Variants in GBP4 observed in about 807,000 individuals in gnomAD.
GBP4 encodes the protein guanylate-binding protein 4.
In GBP4, 69 loss-of-function variants were observed where a neutral mutation model predicts 62.2. The observed-to-expected ratio is 1.11, with a 90% confidence interval of 0.91 to 1.36. The LOEUF is 1.36. GBP4 is among the 40% of genes most tolerant of loss of function. The probability of loss-of-function intolerance (pLI) is 0.00; values close to 1 mark genes in which losing one functional copy is unlikely to be tolerated. For synonymous variants in GBP4, 278 were observed against 274.6 expected (o/e 1.01, Z -0.12); for missense variants, 697 against 759.3 (o/e 0.92, Z 0.96).
rs200202053 is a variant in GBP4, at chr1:89,188,609, A to G, written c.1383T>C (p.Tyr461=). The change falls in exon 8 of 11, where the codon TAT becomes TAC. Residue 461 remains tyrosine, a synonymous_variant. Coordinates refer to ENST00000355754, the MANE Select transcript of GBP4 (RefSeq NM_052941.5). The stretch of plus-strand genomic sequence containing the variant: ...TAACTCCTTTTCTGGGCACTAGCTT[A>G]TAGTCCCACTCAACCTGTTTCTTTT... ...LEEKKQVEWD[Y]KLVPRKGVKA... is the part of the protein sequence containing the mutation. 22 of 1,613,914 alleles carry G rather than the reference A, an allele frequency of 1.4e-5. No individual in the cohort carries two copies. Among genetic ancestry groups the G allele is most frequent in the Non-Finnish European group, 1.8e-5 (21 of 1,179,776 alleles).
At chr1:89,186,064 A>G (rs969494249) in intron 10 of GBP4, among the ~76,000 whole-genome samples, 1 of 152,234 alleles carries the variant, frequency 6.6e-6, no homozygotes, top group Non-Finnish European at 1.5e-5. Context: ...ATTGGGGCAC[A>G]GTGAGACCAT....
In GBP4 at chr1:89,191,251, A is replaced by G; in HGVS notation, c.916+10T>C. 6.2e-7 allele frequency: 1 copy of G among 1,609,144 alleles called. No individual in the cohort carries two copies. Among genetic ancestry groups the G allele is most frequent in the Non-Finnish European group, 8.5e-7 (1 of 1,175,760 alleles). On this transcript the variant is annotated intron_variant, in intron 6 of 10. Transcript: ENST00000355754. ...CAGACAGACATGCTTTGGGACAAAA[A>G]AAGACTCACGCTTTCCAGTGACAAT...
At position 89,191,447 on chromosome 1, in the gene GBP4, G is replaced by C. The variant is rs754754322; in HGVS notation, c.730C>G (p.Arg244Gly). 4.3e-6 allele frequency: 7 copies of C among 1,614,088 alleles called. No individual in the cohort carries two copies. The highest frequency in any genetic ancestry group is 5.9e-6 in the Non-Finnish European group (7 of 1,179,970). ...MPRECIRHFF[R>G]KRKCFVFDRP... ...TCAAAGACAAAGCACTTCCGTTTTC[G>C]GAAGAAATGCCTGATACACTCTCTA... The change falls in exon 6 of 11, where the codon CGA (arginine) becomes GGA (glycine). Residue 244 changes from arginine to glycine, a missense_variant. By Grantham distance (125) the Arg-to-Gly change is moderately radical. Around this residue, in one of 2 missense-constraint regions of GBP4, gnomAD observed 556 missense variants for 562.7 expected, o/e 0.99. Coordinates refer to ENST00000355754, the MANE Select transcript of GBP4 (RefSeq NM_052941.5).
chr1:89,192,903 C>T lies in GBP4; in HGVS notation c.670+1G>A. On this transcript the variant is annotated splice_donor_variant, in intron 5 of 10. Transcript: ENST00000355754. LOFTEE classifies it high-confidence loss of function. ...CCCACATCCAGGCCATGCTCTGATA[C>T]CTGGAATCAGCTTCAAGGCATTCTC... 1 of 1,613,270 alleles carries T rather than the reference C, an allele frequency of 6.2e-7. No homozygotes were observed. Among genetic ancestry groups the T allele is most frequent in the East Asian group, 2.2e-5 (1 of 44,880 alleles).
In GBP4 at chr1:89,186,987, C is replaced by G. The variant is rs1217643317; in HGVS notation, c.1513+13G>C. Reference sequence around the variant, plus strand: ...CTCCCAATCCCTCTGATAGCTGAGCCCTGCCCCTGTACCTGCTATGGCCTT... The same window carrying G: ...CTCCCAATCCCTCTGATAGCTGAGCGCTGCCCCTGTACCTGCTATGGCCTT... On this transcript the variant is annotated intron_variant, in intron 9 of 10. Transcript: ENST00000355754. 1 of 1,612,026 alleles carries G rather than the reference C, an allele frequency of 6.2e-7. No individual in the cohort carries two copies. The highest frequency in any genetic ancestry group is 1.3e-5 in the African/African-American group (1 of 74,830).
At chr1:89,191,109 A>G in intron 6 of GBP4, 152 bp downstream of exon 6, 1 of 937,366 alleles carries the variant, frequency 1.1e-6, no homozygotes, top group Non-Finnish European at 1.6e-6. Context: ...AACTTTAATT[A>G]AGAAACATTC....
intron 3 of GBP4, 84 bp from the exon 4 acceptor site, chr1:89,193,496 G>T (rs1648245318): frequency 1.6e-6 from 2 of 1,217,016 alleles, no homozygotes; most frequent in South Asian, 1.3e-5. Context: ...AGCTATTTCA[G>T]CTGTATGATA....
Position 89,188,619 on chromosome 1 carries a change from T to G in GBP4, c.1373A>C (p.Glu458Ala), listed in dbSNP as rs528190016. Reference sequence around the variant, plus strand: ...TCTGGGCACTAGCTTATAGTCCCACTCAACCTGTTTCTTTTCTTCTAAGTA... The same window carrying G: ...TCTGGGCACTAGCTTATAGTCCCACGCAACCTGTTTCTTTTCTTCTAAGTA... ...NLYLEEKKQV[E>A]WDYKLVPRKG... Residue 458 changes from glutamate to alanine, a missense_variant, in exon 8 of 11, where the codon GAG becomes GCG. Around this residue, in one of 2 missense-constraint regions of GBP4, gnomAD observed 556 missense variants for 562.7 expected, o/e 0.99. Transcript: ENST00000355754. The G allele has an allele frequency of 1.2e-6, 2 of 1,614,200 alleles. No individual in the cohort carries two copies. The highest frequency in any genetic ancestry group is 3.3e-5 in the Admixed American group (2 of 60,030).
At chr1:89,186,141 C>G (rs946716773) in intron 10 of GBP4, among the ~76,000 whole-genome samples, 192 bp downstream of exon 10, 11 of 152,230 alleles carry the variant, frequency 7.2e-5, no homozygotes, top group South Asian at 2.1e-4. Flanking sequence ...CAAAGTCTAA[C>G]AAGAAGAAGA....
intron 10 of GBP4, among the ~76,000 whole-genome samples, chr1:89,185,903 C>A (rs1265383179): frequency 6.6e-6 from 1 of 152,176 alleles, no homozygotes; most frequent in Non-Finnish European, 1.5e-5. Flanking sequence ...ATGAATCAGG[C>A]AGATACAGAA....
intron 8 of GBP4, 25 bp downstream of exon 8, chr1:89,188,557 C>T: frequency 6.4e-7 from 1 of 1,573,408 alleles, no homozygotes; most frequent in Non-Finnish European, 8.7e-7. Flanking sequence ...CTCTGTTATC[C>T]ATCCCCCATT....
Position 89,183,893 on chromosome 1 carries a change from A to C in GBP4, c.*1361T>G, listed in dbSNP as rs1647958188. 6.6e-6 allele frequency: 1 copy of C among 152,228 alleles called. No individual in the cohort carries two copies. The highest frequency in any genetic ancestry group is 1.5e-5 in the Non-Finnish European group (1 of 68,046). The allele number at this position is 152,228 out of a possible 1,614,324, so 9.4% of individuals were successfully genotyped here. On this transcript the variant is annotated 3_prime_UTR_variant, in exon 11 of 11. Coordinates refer to ENST00000355754, the MANE Select transcript of GBP4 (RefSeq NM_052941.5). ...AGACCCTGTTTCAAAAAACAAAAAC[A>C]AAACAAAATGAAACAATTAACAAAG...
intron 1 of GBP4, 21 bp from the exon 2 acceptor site, chr1:89,197,325 C>T (rs1648375264): frequency 6.2e-7 from 1 of 1,604,730 alleles, no homozygotes; most frequent in Non-Finnish European, 8.5e-7. Flanking sequence ...GAAAAAAATA[C>T]TCAGTAGAAT....
chr1:89,190,050 C>G lies in GBP4; in HGVS notation c.1185G>C (p.Gln395His). 1 of 1,607,130 alleles carries G rather than the reference C, an allele frequency of 6.2e-7. No individual in the cohort carries two copies. Among genetic ancestry groups the G allele is most frequent in the Non-Finnish European group, 8.5e-7 (1 of 1,174,670 alleles). The change falls in exon 7 of 11, where the codon CAG (glutamine) becomes CAC (histidine). Residue 395 changes from glutamine (Q) to histidine (H), a missense_variant. Physicochemically the swap from Gln to His is conservative, Grantham distance 24. Around this residue, in one of 2 missense-constraint regions of GBP4, gnomAD observed 556 missense variants for 562.7 expected, o/e 0.99. Coordinates refer to ENST00000355754, the MANE Select transcript of GBP4 (RefSeq NM_052941.5). Reference protein sequence around the residue: ...HSFKDENHEFQKKLVDTIEKK... With the variant: ...HSFKDENHEFHKKLVDTIEKK... ...ATGCTAAAAGTACCACAAGCTTCTT[C>G]TGGAATTCATGGTTTTCATCCTTGA...
Position 89,185,192 on chromosome 1 carries a change from G to T in GBP4, c.*62C>A. The T allele has an allele frequency of 2.0e-6, 2 of 999,046 alleles. No homozygotes were observed. Among genetic ancestry groups the T allele is most frequent in the Non-Finnish European group, 3.1e-6 (2 of 637,100 alleles). The allele number at this position is 999,046 out of a possible 1,614,324, so 61.9% of individuals were successfully genotyped here. A position where few individuals can be genotyped will look rare whatever the true frequency, so the allele number is the denominator to read the frequency against. ...ATATACTTACAAAATGAGCAACAGT[G>T]TTATGTTATTAAAATAAAATAAACC... is the stretch of plus-strand genomic sequence containing the variant. On this transcript the variant is annotated 3_prime_UTR_variant, in exon 11 of 11. Transcript: ENST00000355754.
chr1:89,197,473 T>C (rs1467458771), intron 1 of GBP4, among the ~76,000 whole-genome samples, 169 bp from the exon 2 acceptor site: 1 of 142,098 alleles, frequency 7.0e-6, no homozygotes, highest in Non-Finnish European at 1.5e-5. Context: ...ATAAAATTTC[T>C]ATGTATATAA....
chr1:89,191,532 C>T (rs768614038), intron 5 of GBP4, 26 bp from the exon 6 acceptor site: 1 of 1,602,190 alleles, frequency 6.2e-7, no homozygotes, highest in Non-Finnish European at 8.5e-7. Context: ...AAAGAGGGCT[C>T]ATTGAAGAGA....
intron 5 of GBP4, among the ~76,000 whole-genome samples, 180 bp downstream of exon 5, chr1:89,192,724 G>A (rs551615302): frequency 1.3e-5 from 2 of 152,230 alleles, no homozygotes; most frequent in Non-Finnish European, 2.9e-5. Flanking sequence ...CAGCCTCTGG[G>A]AAATTTCAAG....
At chr1:89,186,899 T>G (rs1371092049) in intron 9 of GBP4, 101 bp downstream of exon 9, 1 of 1,080,034 alleles carries the variant, frequency 9.3e-7, no homozygotes, top group South Asian at 1.4e-5. Flanking sequence ...TGTTTGTGAC[T>G]TTTGAAGCTC....
Sources: allele counts gnomAD v4.1 joint callset (sites outside exome capture counted in the v4.1 genomes callset), GRCh38; gene constraint gnomAD v4.1.1; regional missense constraint gnomAD v4.1.1; transcripts MANE v1.5; gene names NCBI Gene and HGNC (gene_info 2026-07-23, HGNC 2026-07-21).